HPSE2: variants seen among roughly 807,000 people sequenced by gnomAD.
The protein encoded by HPSE2 is inactive heparanase-2.
HPSE2 carries 38 observed loss-of-function variants against 60.5 expected under a neutral mutation model. The observed-to-expected ratio is 0.63, with a 90% confidence interval of 0.48 to 0.82. The LOEUF is 0.82. Ranked by LOEUF, HPSE2 falls within the 40% of genes least tolerant of loss-of-function variation. The pLI is 0.00. For synonymous variants in HPSE2, 295 were observed against 293.2 expected, an observed-to-expected ratio of 1.01 and a Z score of -0.06; for missense variants, 713 against 740.4, an observed-to-expected ratio of 0.96 and a Z score of 0.43.
At chr10:98,523,350 T>C (rs950852462) in intron 9 of HPSE2, among the ~76,000 whole-genome samples, 6 of 152,152 alleles carry the variant, frequency 3.9e-5, no homozygotes, top group Admixed American at 1.3e-4. Context: ...AGCTATGGGG[T>C]TCTACAGACT....
the HPSE2 span, among the ~76,000 whole-genome samples, chr10:99,305,979 G>GCGCACACACACACA: frequency 0.042 from 3,342 of 80,258 alleles, 151 homozygotes; most frequent in Non-Finnish European, 0.061. Context: ...GCGCGCGCGC[G>GCGCACACACACACA]CACACACACA....
At chr10:98,986,388 G>A (rs1323718852) in intron 3 of HPSE2, among the ~76,000 whole-genome samples, 2 of 151,124 alleles carry the variant, frequency 1.3e-5, no homozygotes, top group East Asian at 3.9e-4. Flanking sequence ...GCTCCTGAAT[G>A]ACTACTGGGT....
chr10:99,077,979 C>A (rs1207759399), intron 3 of HPSE2, among the ~76,000 whole-genome samples: 1 of 152,082 alleles, frequency 6.6e-6, no homozygotes, highest in Non-Finnish European at 1.5e-5. Context: ...TCAGTTCACA[C>A]AAGATCTGGT....
At chr10:99,140,162 A>G (rs1343191307) in intron 3 of HPSE2, among the ~76,000 whole-genome samples, 1 of 152,196 alleles carries the variant, frequency 6.6e-6, no homozygotes, top group Non-Finnish European at 1.5e-5. Context: ...CTGTTGCTCA[A>G]TTGAAGTTAA....
chr10:98,777,598 C>G (rs1950369549), intron 3 of HPSE2, among the ~76,000 whole-genome samples: 1 of 152,086 alleles, frequency 6.6e-6, no homozygotes, highest in Non-Finnish European at 1.5e-5. Flanking sequence ...GTCTTGGTTT[C>G]TCTTCTATTA....
intron 6 of HPSE2, among the ~76,000 whole-genome samples, chr10:98,652,632 T>G (rs540090116): frequency 4.6e-5 from 7 of 152,306 alleles, no homozygotes; most frequent in African/African-American, 1.7e-4. Context: ...TAACCTCCAC[T>G]TCCATTCTCC....
At chr10:98,634,134 A>C (rs988574065) in intron 7 of HPSE2, among the ~76,000 whole-genome samples, 1 of 152,188 alleles carries the variant, frequency 6.6e-6, no homozygotes, top group African/African-American at 2.4e-5. Context: ...GCAGCAGATA[A>C]GTTTCTTCTG....
At chr10:98,583,039 T>C (rs1240494044) in intron 9 of HPSE2, among the ~76,000 whole-genome samples, 2 of 152,008 alleles carry the variant, frequency 1.3e-5, no homozygotes, top group Non-Finnish European at 2.9e-5. Flanking sequence ...TAGGGGGGCA[T>C]AGGGAAGCAG....
chr10:98,721,799 G>C lies in HPSE2; in HGVS notation c.814C>G (p.Arg272Gly). The change falls in exon 5 of 12, where the codon CGG becomes GGG. Residue 272 changes from arginine to glycine, a missense_variant. Physicochemically the swap from Arg to Gly is moderately radical, Grantham distance 125 (BLOSUM62 -2). Transcript: ENST00000370552. Reference sequence around the variant, plus strand: ...CCCAACTGGCTGCCATTTACTGCCCGGCCATGCATGGTCCGATAGTTATTT... The same window carrying C: ...CCCAACTGGCTGCCATTTACTGCCCCGCCATGCATGGTCCGATAGTTATTT... The part of the protein sequence containing the change: ...EPNNYRTMHG[R>G]AVNGSQLGKD... 1 of 1,613,378 alleles carries C rather than the reference G, an allele frequency of 6.2e-7. No homozygotes were observed. Among genetic ancestry groups the C allele is most frequent in the Non-Finnish European group, 8.5e-7 (1 of 1,179,770 alleles).
At chr10:98,492,172 T>C (rs1284280409) in intron 9 of HPSE2, among the ~76,000 whole-genome samples, 1 of 152,222 alleles carries the variant, frequency 6.6e-6, no homozygotes, top group African/African-American at 2.4e-5. Context: ...TTTCACTTAA[T>C]GTGAGACATG....
intron 3 of HPSE2, among the ~76,000 whole-genome samples, chr10:98,777,968 A>G (rs1950377923): frequency 6.6e-6 from 1 of 151,782 alleles, no homozygotes; most frequent in Non-Finnish European, 1.5e-5. Flanking sequence ...CGCAAGACCA[A>G]CTCTATACAT....
chr10:99,224,402 C>A (rs934087999), intron 2 of HPSE2, among the ~76,000 whole-genome samples: 1 of 147,884 alleles, frequency 6.8e-6, no homozygotes, highest in Non-Finnish European at 1.5e-5. Flanking sequence ...CATATTCATT[C>A]TCACTCTCTT....
chr10:99,185,540 T>C (rs1188069058), intron 2 of HPSE2, among the ~76,000 whole-genome samples: 1 of 152,030 alleles, frequency 6.6e-6, no homozygotes, highest in Non-Finnish European at 1.5e-5. Context: ...TTTGGGAGGC[T>C]GAGGTGGGCA....
intron 2 of HPSE2, among the ~76,000 whole-genome samples, chr10:99,198,604 A>G (rs564867811): frequency 3.9e-5 from 6 of 152,324 alleles, no homozygotes; most frequent in Admixed American, 6.5e-5. Context: ...GGTAAGACTC[A>G]TAGTACAACA....
At chr10:99,060,363 A>T (rs10883254) in intron 3 of HPSE2, among the ~76,000 whole-genome samples, 74,642 of 151,928 alleles carry the variant, frequency 0.49, 20,786 homozygotes, top group East Asian at 0.65. Flanking sequence ...ACACCTTCAT[A>T]AAAAACAAAA....
intron 3 of HPSE2, among the ~76,000 whole-genome samples, chr10:98,882,120 A>G (rs2134885233): frequency 6.6e-6 from 1 of 152,146 alleles, no homozygotes; most frequent in Non-Finnish European, 1.5e-5. Flanking sequence ...TTTCTCCATT[A>G]GATAAGCATG....
upstream of HPSE2, among the ~76,000 whole-genome samples, chr10:99,239,521 C>A (rs188323157): frequency 6.7e-6 from 1 of 150,102 alleles, no homozygotes; most frequent in Non-Finnish European, 1.5e-5. Flanking sequence ...CCTCCACCTC[C>A]GGGGTTCAAG....
chr10:99,258,125 A>G, the HPSE2 span, among the ~76,000 whole-genome samples: 50 of 151,974 alleles, frequency 3.3e-4, no homozygotes, highest in African/African-American at 1.1e-3. Flanking sequence ...TGGTGACTGG[A>G]GCCAGACTGC....
At chr10:98,904,649 T>C (rs1953759882) in intron 3 of HPSE2, among the ~76,000 whole-genome samples, 1 of 152,210 alleles carries the variant, frequency 6.6e-6, no homozygotes, top group Admixed American at 6.5e-5. Context: ...GTTTTCTGAT[T>C]GATTTAATGT....
Sources: gnomAD v4.1 joint callset for allele counts (sites outside exome capture counted in the v4.1 genomes callset) on GRCh38, gnomAD v4.1.1 for gene constraint, MANE v1.5 for transcripts, NCBI Gene and HGNC (gene_info 2026-07-23, HGNC 2026-07-21) for gene names.